VPS37A: variants seen among roughly 807,000 people sequenced by gnomAD.
VPS37A encodes VPS37A subunit of ESCRT-I, also known as vacuolar protein sorting-associated protein 37A.
Under a neutral mutation model 49.8 loss-of-function variants are expected in VPS37A, and 30 were observed. The observed-to-expected ratio is 0.60, with a 90% confidence interval of 0.45 to 0.82. VPS37A has a LOEUF of 0.82. Ranked by LOEUF, VPS37A falls within the 40% of genes least tolerant of loss-of-function variation. The pLI is 0.00. For missense variants in VPS37A, 593 were observed against 464.4 expected, an observed-to-expected ratio of 1.28 and a Z score of -2.55; for synonymous variants, 195 against 160.6, an observed-to-expected ratio of 1.21 and a Z score of -1.62.
downstream of VPS37A, chr8:17,299,137 G>C (rs528817131): frequency 6.6e-6 from 1 of 152,302 alleles, no homozygotes; most frequent in African/African-American, 2.4e-5. Flanking sequence ...TGTAAGACCA[G>C]GAGAATGAAT....
chr8:17,251,486 G>T (rs994260671), intron 1 of VPS37A, among the ~76,000 whole-genome samples: 2 of 152,168 alleles, frequency 1.3e-5, no homozygotes, highest in African/African-American at 4.8e-5. Flanking sequence ...CTACTGCATA[G>T]AATCAGTGTG....
intron 1 of VPS37A, among the ~76,000 whole-genome samples, chr8:17,250,699 C>T (rs190022049): frequency 1.2e-4 from 19 of 152,166 alleles, no homozygotes; most frequent in Admixed American, 2.6e-4. Context: ...CTTTTTGTCC[C>T]TTTCTCTAAT....
At chr8:17,247,725 TC>T in intron 1 of VPS37A, 1 of 702,662 alleles carries the variant, frequency 1.4e-6, no homozygotes, top group Non-Finnish European at 2.6e-6. Flanking sequence ...GATTGCCGCG[TC>T]AGCAGAATTG....
At chr8:17,247,863 A>G in intron 1 of VPS37A, 1 of 672,244 alleles carries the variant, frequency 1.5e-6, no homozygotes, top group Non-Finnish European at 2.7e-6. Flanking sequence ...AGAGTCACTT[A>G]TCACGTAGTC....
chr8:17,309,751 T>C, the VPS37A span, among the ~76,000 whole-genome samples: 1 of 152,200 alleles, frequency 6.6e-6, no homozygotes, highest in African/African-American at 2.4e-5. Flanking sequence ...CTTCAAACCC[T>C]ATCTCAACCA....
intron 1 of VPS37A, chr8:17,248,259 C>CCCTTTTTTTTT (rs1563228659): frequency 2.3e-6 from 1 of 426,948 alleles, no homozygotes; most frequent in East Asian, 7.0e-5. Context: ...AGTCCCTAAC[C>CCCTTTTTTTTT]CCTTTTTTTT....
chr8:17,315,921 G>C, the VPS37A span, among the ~76,000 whole-genome samples: 1 of 152,204 alleles, frequency 6.6e-6, no homozygotes, highest in African/African-American at 2.4e-5. Flanking sequence ...GCTGAGTTGA[G>C]AGGATCACTT....
intron 1 of VPS37A, among the ~76,000 whole-genome samples, chr8:17,249,297 G>C (rs563150757): frequency 6.6e-6 from 1 of 152,250 alleles, no homozygotes; most frequent in African/African-American, 2.4e-5. Flanking sequence ...AAGAGTTCTG[G>C]AATTGGCTTA....
At position 17,296,871 on chromosome 8, in the gene VPS37A, G is replaced by T. The variant is rs991076867; in HGVS notation, c.*1885G>T. The T allele has an allele frequency of 3.9e-5, 6 of 152,050 alleles. No homozygotes were observed. Among genetic ancestry groups the T allele is most frequent in the African/African-American group, 1.4e-4 (6 of 41,400 alleles). 9.4% of individuals were successfully genotyped at this position (152,050 alleles called of 1,614,324 possible). On this transcript the variant is annotated 3_prime_UTR_variant, in exon 12 of 12. Transcript: ENST00000324849. ...TCTATACCATTCATTGGATAACCTT[G>T]TTACAACCCAGTCATGAAACAGAGC...
chr8:17,251,662 G>A (rs910499080), intron 1 of VPS37A, among the ~76,000 whole-genome samples: 10 of 152,160 alleles, frequency 6.6e-5, no homozygotes, highest in African/African-American at 2.4e-4. Flanking sequence ...AATTAGGCAT[G>A]ATGCAGGTAA....
chr8:17,313,127 G>C, the VPS37A span, among the ~76,000 whole-genome samples: 4 of 152,132 alleles, frequency 2.6e-5, no homozygotes, highest in African/African-American at 9.7e-5. Context: ...GTATTCTTTC[G>C]CAAAATCATA....
rs772178228 is a variant in VPS37A at position 17,269,748 on chromosome 8, A to G, written c.416+792A>G. On this transcript the variant is annotated intron_variant, in intron 4 of 11. Coordinates refer to ENST00000324849, the MANE Select transcript of VPS37A (RefSeq NM_152415.3). ...TTGGATTCTCCATTTCTTAGATTTC[A>G]TTTTTCCCTTTCTCAGGCCATTTCC... 2.2e-4 allele frequency among the ~76,000 whole-genome samples: 33 copies of G among 151,782 alleles called. No individual in the cohort carries two copies. In the East Asian group the frequency reaches 4.5e-3, roughly 21 times the overall value.
the VPS37A span, among the ~76,000 whole-genome samples, chr8:17,316,293 A>C: frequency 6.6e-6 from 1 of 151,934 alleles, no homozygotes; most frequent in Non-Finnish European, 1.5e-5. Flanking sequence ...ATTTACATAT[A>C]TATTATAGTC....
At chr8:17,274,023 A>G (rs1814264537) in intron 4 of VPS37A, among the ~76,000 whole-genome samples, 1 of 152,176 alleles carries the variant, frequency 6.6e-6, no homozygotes, top group African/African-American at 2.4e-5. Flanking sequence ...CTCAGTCTGC[A>G]TCTAGGTCTG....
At chr8:17,285,047 GAAA>G (rs796755144) in intron 10 of VPS37A, among the ~76,000 whole-genome samples, 1 of 149,492 alleles carries the variant, frequency 6.7e-6, no homozygotes, top group African/African-American at 2.4e-5. Flanking sequence ...TGCTGATCTG[GAAA>G]AAAAAAAATT....
At chr8:17,303,599 A>G (rs546369142), downstream of VPS37A, among the ~76,000 whole-genome samples, 7 of 130,634 alleles carry the variant, frequency 5.4e-5, no homozygotes, top group South Asian at 1.8e-3. Flanking sequence ...CATTCTCCCC[A>G]TACATACAAT....
In VPS37A at chr8:17,274,759, C is replaced by T. The variant is rs201314626; in HGVS notation, c.443C>T (p.Ser148Phe). 2 of 1,614,144 alleles carry T rather than the reference C, an allele frequency of 1.2e-6. No homozygotes were observed. Among genetic ancestry groups the T allele is most frequent in the African/African-American group, 2.7e-5 (2 of 75,064 alleles). Residue 148 changes from serine to phenylalanine, a missense_variant, in exon 5 of 12, where the codon TCT becomes TTT. By Grantham distance (155) the Ser-to-Phe change is radical. Transcript: ENST00000324849. ...PYLYSNPSGMSPYASQGFPFL... is the reference protein window; with the variant it reads ...PYLYSNPSGMFPYASQGFPFL... ...CTATACAGTAACCCAAGTGGGATGT[C>T]TCCTTATGCTTCTCAGGGTTTTCCA...
At chr8:17,328,116 G>A in the VPS37A span, among the ~76,000 whole-genome samples, 1 of 152,198 alleles carries the variant, frequency 6.6e-6, no homozygotes, top group African/African-American at 2.4e-5. Flanking sequence ...CTCGTGGGGA[G>A]AAAGTGAAAT....
rs1214891172 is a variant in VPS37A at position 17,296,640 on chromosome 8, GTTA to G, written c.*1658_*1660del. ...TGATTAATTCATTTGATCTATCTAT[GTTA>G]TTAAGTACCTACTAGGAATAAGGCA... On this transcript the variant is annotated 3_prime_UTR_variant, in exon 12 of 12. Coordinates refer to ENST00000324849, the MANE Select transcript of VPS37A (RefSeq NM_152415.3). 6.6e-6 allele frequency: 1 copy of G among 152,054 alleles called. No individual in the cohort carries two copies. Among genetic ancestry groups the G allele is most frequent in the Non-Finnish European group, 1.5e-5 (1 of 68,010 alleles). 9.4% of individuals were successfully genotyped at this position (152,054 alleles called of 1,614,324 possible).
Sources: allele counts gnomAD v4.1 joint callset (sites outside exome capture counted in the v4.1 genomes callset), GRCh38; gene constraint gnomAD v4.1.1; transcripts MANE v1.5; gene names NCBI Gene and HGNC (gene_info 2026-07-23, HGNC 2026-07-21).